Variants in ZNF827 observed in about 807,000 individuals in gnomAD.
The protein encoded by ZNF827 is zinc finger protein 827.
A neutral mutation model predicts 102.4 loss-of-function variants in ZNF827; 13 were observed. The observed-to-expected ratio is 0.13, with a 90% CI of 0.08 to 0.20. The LOEUF is 0.20. ZNF827 is among the 10% of genes least tolerant of loss of function. ZNF827 has a pLI of 1.00. For missense variants in ZNF827, 1,103 were observed against 1,344.4 expected, an observed-to-expected ratio of 0.82 and a Z score of 2.81; for synonymous variants, 523 against 536.2, an observed-to-expected ratio of 0.98 and a Z score of 0.34.
chr4:145,809,655 T>C (rs1560948572), intron 8 of ZNF827, among the ~76,000 whole-genome samples: 1 of 152,146 alleles, frequency 6.6e-6, no homozygotes, highest in Admixed American at 6.6e-5. Flanking sequence ...GCATCTAAGA[T>C]TGGTCTTTTG....
intron 5 of ZNF827, among the ~76,000 whole-genome samples, chr4:145,851,642 G>C (rs138544844): frequency 1.3e-5 from 2 of 152,146 alleles, no homozygotes; most frequent in East Asian, 3.9e-4. Context: ...AGGGAAAACT[G>C]TTTTTTGTCA....
Position 145,760,755 on chromosome 4 carries a change from T to G in ZNF827, c.*861A>C. Reference sequence around the variant, plus strand: ...TTTTTTTTGTCTTTTGTCTCTCTGTTTTTGGTACAGAACATGGCTGCCCTC... The same window carrying G: ...TTTTTTTTGTCTTTTGTCTCTCTGTGTTTGGTACAGAACATGGCTGCCCTC... On this transcript the variant is annotated 3_prime_UTR_variant, in exon 15 of 15. Transcript: ENST00000508784. 2.9e-6 allele frequency: 3 copies of G among 1,034,312 alleles called. No homozygotes were observed. Among genetic ancestry groups the G allele is most frequent in the Non-Finnish European group, 3.5e-6 (3 of 856,482 alleles). 64.1% of individuals were successfully genotyped at this position (1,034,312 alleles called of 1,614,324 possible).
Position 145,902,995 on chromosome 4 carries a change from A to T in ZNF827, c.264T>A (p.Ser88Arg). 6.2e-7 allele frequency: 1 copy of T among 1,614,120 alleles called. No homozygotes were observed. Among genetic ancestry groups the T allele is most frequent in the Non-Finnish European group, 8.5e-7 (1 of 1,180,006 alleles). The change falls in exon 2 of 15, where the codon AGT (serine) becomes AGA (arginine). Residue 88 changes from serine (S) to arginine (R), a missense_variant. Transcript: ENST00000508784. The surrounding 1 kb of genome is among the most constrained non-coding windows in gnomAD (Gnocchi z 4.3). ...ACTGCAGTGAGTCTCGCAGGACCTC[A>T]CTGTCCAGTGCCACCAGCTCCAACG... The part of the protein sequence containing the change: ...SHTLELVALD[S>R]EVLRDSLQCQ...
chr4:145,909,705 A>G (rs1403539880), intron 1 of ZNF827, among the ~76,000 whole-genome samples: 1 of 152,230 alleles, frequency 6.6e-6, no homozygotes, highest in African/African-American at 2.4e-5. Context: ...CTTCTGCCGC[A>G]TATCAGGCTG....
Position 145,902,143 on chromosome 4 carries a change from G to A in ZNF827, c.1093+23C>T, listed in dbSNP as rs1434888001. ...TTATAGTCTAAAGGACTTACACGATGATTGAAAGAAAAGATGCCATACCTG... is the reference window on the plus strand; with the variant it reads ...TTATAGTCTAAAGGACTTACACGATAATTGAAAGAAAAGATGCCATACCTG... On this transcript the variant is annotated intron_variant, in intron 2 of 14. Transcript: ENST00000508784. The surrounding 1 kb of genome is among the most constrained non-coding windows in gnomAD (Gnocchi z 4.3). 1.9e-6 allele frequency: 3 copies of A among 1,561,696 alleles called. No individual in the cohort carries two copies. Among genetic ancestry groups the A allele is most frequent in the South Asian group, 2.5e-5 (2 of 79,684 alleles).
chr4:145,872,944 TC>T (rs1477847062), intron 4 of ZNF827, among the ~76,000 whole-genome samples: 17 of 144,646 alleles, frequency 1.2e-4, no homozygotes, highest in Non-Finnish European at 2.4e-4. Flanking sequence ...TTTTTTCTTT[TC>T]TTTTTTTTTT....
chr4:145,842,799 C>T (rs138666708), intron 7 of ZNF827, among the ~76,000 whole-genome samples: 9 of 152,214 alleles, frequency 5.9e-5, no homozygotes, highest in Non-Finnish European at 1.0e-4. Flanking sequence ...TCTCAAAGTG[C>T]GAAAAATTCT....
At chr4:145,777,592 A>G (rs1737317047) in intron 9 of ZNF827, among the ~76,000 whole-genome samples, 1 of 152,156 alleles carries the variant, frequency 6.6e-6, no homozygotes, top group African/African-American at 2.4e-5. Context: ...ATTCTCCAAT[A>G]ATTCTTTAAC....
intron 8 of ZNF827, among the ~76,000 whole-genome samples, chr4:145,780,015 A>C (rs1737735637): frequency 6.6e-6 from 1 of 152,164 alleles, no homozygotes; most frequent in Admixed American, 6.5e-5. Context: ...ACATGGTGAA[A>C]CCTTGTATCT....
chr4:145,846,910 T>C (rs1252871887), intron 6 of ZNF827, among the ~76,000 whole-genome samples: 1 of 146,924 alleles, frequency 6.8e-6, no homozygotes, highest in Non-Finnish European at 1.5e-5. Flanking sequence ...TCCCAGCACT[T>C]TGGGAGGCCG....
intron 5 of ZNF827, among the ~76,000 whole-genome samples, chr4:145,860,105 T>C (rs1747555139): frequency 6.6e-6 from 1 of 152,220 alleles, no homozygotes; most frequent in African/African-American, 2.4e-5. Context: ...TTACCCGATA[T>C]GATGGCTAAA....
intron 8 of ZNF827, among the ~76,000 whole-genome samples, chr4:145,803,904 G>A (rs10519755): frequency 0.36 from 54,955 of 151,992 alleles, 11,073 homozygotes; most frequent in Non-Finnish European, 0.46. Flanking sequence ...CAAAATGGAT[G>A]TAGTTTACCC....
At chr4:145,807,917 T>C (rs571393111) in intron 8 of ZNF827, among the ~76,000 whole-genome samples, 1 of 152,216 alleles carries the variant, frequency 6.6e-6, no homozygotes, top group East Asian at 1.9e-4. Context: ...AAAGTAACAG[T>C]TGGGAGATAG....
At chr4:145,778,962 A>C (rs529971452) in intron 9 of ZNF827, among the ~76,000 whole-genome samples, 1 of 152,152 alleles carries the variant, frequency 6.6e-6, no homozygotes, top group African/African-American at 2.4e-5. Flanking sequence ...TTTCTCCACA[A>C]TTATACATAA....
At chr4:145,859,692 C>G (rs988298856) in intron 5 of ZNF827, among the ~76,000 whole-genome samples, 1 of 152,120 alleles carries the variant, frequency 6.6e-6, no homozygotes, top group Non-Finnish European at 1.5e-5. Context: ...CTCTGGTTCT[C>G]GCGTCCTCTC....
intron 7 of ZNF827, among the ~76,000 whole-genome samples, chr4:145,837,485 A>C (rs4482788): frequency 0.046 from 6,915 of 151,536 alleles, 202 homozygotes; most frequent in Non-Finnish European, 0.052. Context: ...CCAAAAAAAA[A>C]CTTGTCATCC....
At chr4:145,911,290 A>C (rs1050066345) in intron 1 of ZNF827, among the ~76,000 whole-genome samples, 7 of 152,210 alleles carry the variant, frequency 4.6e-5, no homozygotes, top group African/African-American at 1.7e-4. Context: ...TGACTTCTGC[A>C]TTCCACTCTA....
chr4:145,920,668 C>T (rs915006919), intron 1 of ZNF827, among the ~76,000 whole-genome samples: 1 of 152,226 alleles, frequency 6.6e-6, no homozygotes, highest in Non-Finnish European at 1.5e-5. Flanking sequence ...TCCTTTCCAC[C>T]TCTAAAACCC....
At chr4:145,833,377 TG>T (rs1347021997) in intron 7 of ZNF827, among the ~76,000 whole-genome samples, 6 of 152,180 alleles carry the variant, frequency 3.9e-5, no homozygotes, top group African/African-American at 1.2e-4. Context: ...GTTTAATCAT[TG>T]CAGGGCTGCC....
Sources: gnomAD v4.1 joint callset for allele counts (sites outside exome capture counted in the v4.1 genomes callset) on GRCh38, gnomAD v4.1.1 for gene constraint, Gnocchi (gnomAD v3.1) non-coding constraint, MANE v1.5 for transcripts, NCBI Gene and HGNC (gene_info 2026-07-23, HGNC 2026-07-21) for gene names.